FKBP1B: variants seen among roughly 807,000 people sequenced by gnomAD.
FKBP1B encodes FKBP prolyl isomerase 1B, also known as peptidyl-prolyl cis-trans isomerase FKBP1B.
In FKBP1B, 4 loss-of-function variants were observed where a neutral mutation model predicts 13.5. That is an observed-to-expected ratio of 0.30 (90% CI 0.15 to 0.68). The LOEUF (loss-of-function observed/expected upper bound fraction) is 0.68. Ranked by LOEUF, FKBP1B falls within the 30% of genes least tolerant of loss-of-function variation. The probability of loss-of-function intolerance (pLI) is 0.76; values close to 1 mark genes in which losing one functional copy is unlikely to be tolerated. For missense variants in FKBP1B, 93 were observed against 136.2 expected, an observed-to-expected ratio of 0.68 and a Z score of 1.58; for synonymous variants, 54 against 53.6, an observed-to-expected ratio of 1.01 and a Z score of -0.03.
At chr2:24,047,389 T>A (rs1663663510), upstream of FKBP1B, 1 of 151,998 alleles carries the variant, frequency 6.6e-6, no homozygotes, top group Non-Finnish European at 1.5e-5. Context: ...CATAAGAAGT[T>A]CTGGGCAGCC....
chr2:24,058,600 T>C (rs1397967671), intron 2 of FKBP1B, among the ~76,000 whole-genome samples: 1 of 152,190 alleles, frequency 6.6e-6, no homozygotes, highest in Non-Finnish European at 1.5e-5. Context: ...GGTATATAAA[T>C]GGAGTGTGTG....
At chr2:24,061,057 C>T in intron 3 of FKBP1B, 131 bp downstream of exon 3, 5 of 665,954 alleles carry the variant, frequency 7.5e-6, no homozygotes, top group South Asian at 1.9e-5. Context: ...GGCATGGCAA[C>T]GCCATCTGGT....
chr2:24,051,346 G>GAA (rs34668586), intron 1 of FKBP1B, among the ~76,000 whole-genome samples: 17,955 of 147,324 alleles, frequency 0.12, 1,249 homozygotes, highest in South Asian at 0.19. Flanking sequence ...AAAAAAAAAA[G>GAA]AAAAAAAATG....
Position 24,056,182 on chromosome 2 carries a change from G to A in FKBP1B, c.85+2233G>A, listed in dbSNP as rs547639563. On this transcript the variant is annotated intron_variant, in intron 2 of 3. Transcript: ENST00000380986. ...TTTTTGTGTTTCTAGTAGAGACGGT[G>A]TTTCACCATATTGGCCAGGCTGATC... Among the ~76,000 whole-genome samples, 111 of 151,734 alleles carry A rather than the reference G, an allele frequency of 7.3e-4. 4 individuals carry two copies. The South Asian group carries it at 0.022, about 30-fold the overall frequency.
chr2:24,042,709 C>T, the FKBP1B span, among the ~76,000 whole-genome samples: 3 of 140,636 alleles, frequency 2.1e-5, no homozygotes, highest in Non-Finnish European at 4.6e-5. Flanking sequence ...AACTCTGTCT[C>T]AAAAAAAAAA....
At chr2:24,044,817 T>TAAA (rs747340836), upstream of FKBP1B, among the ~76,000 whole-genome samples, 16 of 103,916 alleles carry the variant, frequency 1.5e-4, no homozygotes, top group East Asian at 5.3e-4. Flanking sequence ...GAATTATCTT[T>TAAA]AAAAAAAAAA....
At chr2:24,038,233 T>C in the FKBP1B span, 2 of 1,614,160 alleles carry the variant, frequency 1.2e-6, no homozygotes, top group Middle Eastern at 1.6e-4. Flanking sequence ...AATGGCATAC[T>C]GATCAGACTT....
upstream of FKBP1B, among the ~76,000 whole-genome samples, chr2:24,048,323 A>G (rs1663697805): frequency 6.6e-6 from 1 of 151,968 alleles, no homozygotes; most frequent in African/African-American, 2.4e-5. Context: ...TTTAAAAATT[A>G]GCCGAACGCT....
the FKBP1B span, chr2:24,038,715 C>T: frequency 6.2e-7 from 1 of 1,614,160 alleles, no homozygotes. Flanking sequence ...CCTCTTTATC[C>T]ATAGAGCGTA....
chr2:24,063,182 A>G lies in FKBP1B; in HGVS notation c.317A>G (p.Asn106Ser), dbSNP rs1187663466. 4 of 1,595,670 alleles carry G rather than the reference A, an allele frequency of 2.5e-6. No homozygotes were observed. In the East Asian group the frequency reaches 6.7e-5, roughly 27 times the overall value. The change falls in exon 4 of 4, where the codon AAC becomes AGC. Residue 106 changes from asparagine (N) to serine (S), a missense_variant. Transcript: ENST00000380986. ...CTCATCTTTGACGTGGAGCTGCTCA[A>G]CTTAGAGTGAAGGCAGGAAGGAACT... ...ATLIFDVELL[N>S]LE
chr2:24,048,850 C>G (rs1375183580), upstream of FKBP1B, among the ~76,000 whole-genome samples: 1 of 152,136 alleles, frequency 6.6e-6, no homozygotes, highest in African/African-American at 2.4e-5. Context: ...TGTGTGTCCC[C>G]GTCCCTCTCA....
At chr2:24,058,135 G>A (rs1664223448) in intron 2 of FKBP1B, among the ~76,000 whole-genome samples, 1 of 151,912 alleles carries the variant, frequency 6.6e-6, no homozygotes, top group South Asian at 2.1e-4. Flanking sequence ...AGGAGGCGGA[G>A]GTTGCAGTGA....
At chr2:24,035,172 G>GTA in the FKBP1B span, among the ~76,000 whole-genome samples, 1 of 151,226 alleles carries the variant, frequency 6.6e-6, no homozygotes, top group African/African-American at 2.4e-5. Context: ...TCCTCAACAA[G>GTA]TATATATTAC....
Position 24,053,886 on chromosome 2 carries a change from T to A in FKBP1B, c.38-16T>A. On this transcript the variant is annotated splice_polypyrimidine_tract_variant and intron_variant, in intron 1 of 3. Transcript: ENST00000380986. ...CAATATCCTACTCCTTCATCTGCCC[T>A]CATGTCTCCCTGCAGGAAGGACATT... The A allele has an allele frequency of 6.2e-7, 1 of 1,613,840 alleles. No homozygotes were observed. Among genetic ancestry groups the A allele is most frequent in the Non-Finnish European group, 8.5e-7 (1 of 1,179,744 alleles).
Position 24,063,321 on chromosome 2 carries a change from T to C in FKBP1B, c.*129T>C, listed in dbSNP as rs1664487265. 4 of 868,268 alleles carry C rather than the reference T, an allele frequency of 4.6e-6. No individual in the cohort carries two copies. The Admixed American group carries it at 1.4e-4, about 30-fold the overall frequency. The allele number at this position is 868,268 out of a possible 1,614,324, so 53.8% of individuals were successfully genotyped here. On this transcript the variant is annotated 3_prime_UTR_variant, in exon 4 of 4. Coordinates refer to ENST00000380986, the MANE Select transcript of FKBP1B (RefSeq NM_004116.5). ...CTAACCTCACTGCCTCATGGCATCA[T>C]CCATTCTCTCTGCCCAAGTTGCTCT...
chr2:24,049,186 T>A (rs952134043), upstream of FKBP1B, among the ~76,000 whole-genome samples: 2 of 152,016 alleles, frequency 1.3e-5, no homozygotes, highest in African/African-American at 4.8e-5. Flanking sequence ...AGACCCCGTT[T>A]CTACAAAAAA....
At chr2:24,054,301 A>G in intron 2 of FKBP1B, 1 of 438,660 alleles carries the variant, frequency 2.3e-6, no homozygotes, top group Non-Finnish European at 4.4e-6. Context: ...CTCCCCGCAG[A>G]CTTTCTCTCC....
chr2:24,061,881 T>TG (rs1664408847), intron 3 of FKBP1B, among the ~76,000 whole-genome samples: 1 of 151,930 alleles, frequency 6.6e-6, no homozygotes, highest in African/African-American at 2.4e-5. Flanking sequence ...TTTTTGGTGT[T>TG]TTTTTTTAGA....
chr2:24,055,621 T>C (rs1287435176), intron 2 of FKBP1B, among the ~76,000 whole-genome samples: 1 of 152,220 alleles, frequency 6.6e-6, no homozygotes, highest in African/African-American at 2.4e-5. Flanking sequence ...TTTCACTCAC[T>C]ATTATGTCTG....
Sources: allele counts gnomAD v4.1 joint callset (sites outside exome capture counted in the v4.1 genomes callset), GRCh38; gene constraint gnomAD v4.1.1; transcripts MANE v1.5; gene names NCBI Gene and HGNC (gene_info 2026-07-23, HGNC 2026-07-21).